The following TIAM1 variants were observed in gnomAD, a reference collection of about 807,000 sequenced individuals.
TIAM1 encodes TIAM Rac1 associated GEF 1.
In TIAM1, 65 loss-of-function variants were observed where a neutral mutation model predicts 163.5. The observed-to-expected ratio is 0.40, with a 90% CI of 0.33 to 0.49. The LOEUF is 0.49. Ranked by LOEUF, TIAM1 falls within the 20% of genes least tolerant of loss-of-function variation. The pLI is 0.77. For synonymous variants in TIAM1, 833 were observed against 810.1 expected, an observed-to-expected ratio of 1.03 and a Z score of -0.48; for missense variants, 1,789 against 2,044.7, an observed-to-expected ratio of 0.87 and a Z score of 2.41.
intron 2 of TIAM1, among the ~76,000 whole-genome samples, chr21:31,408,105 GC>G (rs2077281023): frequency 6.6e-6 from 1 of 152,140 alleles, no homozygotes; most frequent in Admixed American, 6.5e-5. Context: ...CAAACTTAGG[GC>G]AAAGACATCA....
chr21:31,241,357 T>TG (rs2071166508), intron 6 of TIAM1, among the ~76,000 whole-genome samples: 2 of 152,086 alleles, frequency 1.3e-5, no homozygotes, highest in South Asian at 4.2e-4. Flanking sequence ...AAGGCAGAGA[T>TG]GAAGCTAGTT....
chr21:31,253,683 T>C (rs1194402035), intron 4 of TIAM1, among the ~76,000 whole-genome samples: 1 of 152,182 alleles, frequency 6.6e-6, no homozygotes, highest in Non-Finnish European at 1.5e-5. Context: ...CTTAGACCCC[T>C]GGGAGTTAGA....
chr21:31,375,930 G>A (rs911149243), intron 2 of TIAM1, among the ~76,000 whole-genome samples: 5 of 152,062 alleles, frequency 3.3e-5, no homozygotes, highest in Non-Finnish European at 7.3e-5. Flanking sequence ...GGGAGGCTGA[G>A]GCAGGAGAAT....
chr21:31,500,499 A>T (rs190575821), intron 1 of TIAM1, among the ~76,000 whole-genome samples: 93 of 152,258 alleles, frequency 6.1e-4, no homozygotes, highest in African/African-American at 1.8e-3. Context: ...TCCCAGAAAG[A>T]TATGTTGAAG....
At chr21:31,366,807 G>A (rs1040166712) in intron 2 of TIAM1, among the ~76,000 whole-genome samples, 16 of 152,224 alleles carry the variant, frequency 1.1e-4, no homozygotes, top group East Asian at 7.7e-4. Flanking sequence ...TAACGGAGAC[G>A]GGGTTTCGCC....
chr21:31,455,284 A>G (rs1278152612), intron 2 of TIAM1, among the ~76,000 whole-genome samples: 10 of 150,958 alleles, frequency 6.6e-5, no homozygotes, highest in East Asian at 1.9e-4. Context: ...TGCCTCAAAA[A>G]AAAAAAAAAA....
At chr21:31,245,774 A>G in intron 5 of TIAM1, 114 bp from the exon 6 acceptor site, 1 of 1,033,400 alleles carries the variant, frequency 9.7e-7, no homozygotes, top group Non-Finnish European at 1.3e-6. Context: ...AAGCACGTGG[A>G]ACCCAGGAAG....
chr21:31,273,402 C>T (rs1419733135), intron 3 of TIAM1, among the ~76,000 whole-genome samples: 2 of 152,222 alleles, frequency 1.3e-5, no homozygotes. Context: ...ATGCCTAGGA[C>T]TGACCCAAAG....
intron 1 of TIAM1, among the ~76,000 whole-genome samples, chr21:31,466,520 G>A (rs1187421628): frequency 1.3e-5 from 2 of 152,164 alleles, no homozygotes; most frequent in Non-Finnish European, 2.9e-5. Flanking sequence ...AGCTGAGAAG[G>A]GGGCTCAGAG....
At chr21:31,442,089 A>ATATATATATATATATATATATAT (rs1555982237) in intron 2 of TIAM1, among the ~76,000 whole-genome samples, 80 of 123,792 alleles carry the variant, frequency 6.5e-4, no homozygotes, top group South Asian at 1.1e-3. Flanking sequence ...ATATATATAG[A>ATATATATATATATATATATATAT]ACAATAAGGG....
rs1413163757 is a variant in TIAM1, at chr21:31,276,776, A to G, written c.-56T>C. On this transcript the variant is annotated 5_prime_UTR_variant, in exon 3 of 28. Transcript: ENST00000541036. ...CCCCAGCCCAACTTGCTCCAAGAGC[A>G]CTGTGGCATTTAGATATTGAGGTTG... 1 of 152,230 alleles carries G rather than the reference A, an allele frequency of 6.6e-6. No individual in the cohort carries two copies. Among genetic ancestry groups the G allele is most frequent in the East Asian group, 1.9e-4 (1 of 5,192 alleles). 9.4% of individuals were successfully genotyped at this position (152,230 alleles called of 1,614,324 possible).
At chr21:31,342,379 T>C (rs1186655420) in intron 1 of TIAM1, among the ~76,000 whole-genome samples, 1 of 152,124 alleles carries the variant, frequency 6.6e-6, no homozygotes, top group Non-Finnish European at 1.5e-5. Flanking sequence ...GAAAAGATAA[T>C]GATACAGAAA....
At chr21:31,485,155 C>T (rs1316630523) in intron 1 of TIAM1, among the ~76,000 whole-genome samples, 3 of 152,168 alleles carry the variant, frequency 2.0e-5, no homozygotes, top group Non-Finnish European at 4.4e-5. Context: ...AAGCACCAAT[C>T]GTAGCATAAC....
chr21:31,462,388 C>G (rs1306317822), intron 2 of TIAM1, among the ~76,000 whole-genome samples: 1 of 152,180 alleles, frequency 6.6e-6, no homozygotes, highest in Admixed American at 6.5e-5. Flanking sequence ...TGAAAGAACA[C>G]AGTAGGAATA....
chr21:31,503,272 G>A (rs778566250), intron 1 of TIAM1, among the ~76,000 whole-genome samples: 4 of 151,510 alleles, frequency 2.6e-5, no homozygotes, highest in Non-Finnish European at 4.4e-5. Context: ...GTGCGTGCCC[G>A]TAATCCCAGC....
intron 1 of TIAM1, among the ~76,000 whole-genome samples, chr21:31,499,973 C>G (rs568650001): frequency 6.6e-6 from 1 of 151,798 alleles, no homozygotes; most frequent in Non-Finnish European, 1.5e-5. Context: ...TCAAGACCAG[C>G]CTGGCCAACA....
chr21:31,199,751 G>A (rs1336026889), intron 12 of TIAM1, among the ~76,000 whole-genome samples: 2 of 150,940 alleles, frequency 1.3e-5, no homozygotes, highest in African/African-American at 2.4e-5. Context: ...AGCTGGTCTC[G>A]AACTCCTGAC....
chr21:31,395,194 C>T lies in TIAM1; in HGVS notation c.-368-55772G>A, dbSNP rs142544757. On this transcript the variant is annotated intron_variant, in intron 2 of 28. Coordinates refer to the TIAM1 transcript ENST00000286827. The surrounding 1 kb of genome is among the most constrained non-coding windows in gnomAD (Gnocchi z 7.5). ...CAGAGGTTGCAGTAAGCTGAGATCG[C>T]GCCACCACACTCCAGCCTGGGCAAC... is the stretch of plus-strand genomic sequence containing the variant. Among the ~76,000 whole-genome samples the T allele has an allele frequency of 3.0e-3, 459 of 151,636 alleles. No individual in the cohort carries two copies. Among genetic ancestry groups the T allele is most frequent in the Non-Finnish European group, 5.2e-3 (354 of 67,910 alleles).
intron 1 of TIAM1, among the ~76,000 whole-genome samples, chr21:31,519,508 C>CA (rs538283897): frequency 0.015 from 1,271 of 82,044 alleles, 14 homozygotes; most frequent in East Asian, 0.037. Context: ...GATTCTGTCT[C>CA]AAAAAAAAAA....
Sources: gnomAD v4.1 joint callset for allele counts (sites outside exome capture counted in the v4.1 genomes callset) on GRCh38, gnomAD v4.1.1 for gene constraint, Gnocchi (gnomAD v3.1) non-coding constraint, MANE v1.5 for transcripts, NCBI Gene and HGNC (gene_info 2026-07-23, HGNC 2026-07-21) for gene names.